GALNT13: variants seen among roughly 807,000 people sequenced by gnomAD.
GALNT13 encodes the protein UDP-GalNAc:polypeptide N-acetylgalactosaminyltransferase 13.
Under a neutral mutation model 64.2 loss-of-function variants are expected in GALNT13, and 28 were observed. That is an observed-to-expected ratio of 0.44 (90% confidence interval 0.32 to 0.60). The LOEUF (loss-of-function observed/expected upper bound fraction) is 0.60. GALNT13 is among the 20% of genes least tolerant of loss of function. The pLI is 0.05. For synonymous variants in GALNT13, 214 were observed against 224.6 expected (o/e 0.95, Z 0.42); for missense variants, 577 against 669.8 (o/e 0.86, Z 1.53).
the GALNT13 span, among the ~76,000 whole-genome samples, chr2:153,438,883 G>T: frequency 6.6e-6 from 1 of 152,144 alleles, no homozygotes; most frequent in Admixed American, 6.5e-5. Flanking sequence ...TCCTTTGGAG[G>T]GGGAGAGGCG....
chr2:153,394,409 C>A, the GALNT13 span, among the ~76,000 whole-genome samples: 3 of 152,056 alleles, frequency 2.0e-5, no homozygotes, highest in Non-Finnish European at 2.9e-5. Flanking sequence ...AAATTGGGCC[C>A]ACACAAACAT....
chr2:153,334,676 C>T, the GALNT13 span, among the ~76,000 whole-genome samples: 1 of 151,952 alleles, frequency 6.6e-6, no homozygotes, highest in South Asian at 2.1e-4. Flanking sequence ...TCTTTATGTT[C>T]TATCACTGTG....
the GALNT13 span, among the ~76,000 whole-genome samples, chr2:153,744,581 C>T: frequency 2.5e-4 from 38 of 152,038 alleles, no homozygotes; most frequent in African/African-American, 8.5e-4. Flanking sequence ...CTCTTAGCTC[C>T]GTCTCAATGT....
chr2:153,180,764 C>T, the GALNT13 span, among the ~76,000 whole-genome samples: 4 of 151,456 alleles, frequency 2.6e-5, no homozygotes, highest in South Asian at 2.1e-4. Flanking sequence ...AGATTTTAGT[C>T]TTGGTAGTTT....
the GALNT13 span, among the ~76,000 whole-genome samples, chr2:153,554,339 C>CA: frequency 2.0e-3 from 275 of 137,594 alleles, no homozygotes; most frequent in African/African-American, 5.7e-3. Flanking sequence ...GTGTCAAAAA[C>CA]AAAAAAAAAA....
At chr2:153,594,650 C>T in the GALNT13 span, among the ~76,000 whole-genome samples, 1 of 152,058 alleles carries the variant, frequency 6.6e-6, no homozygotes, top group Admixed American at 6.6e-5. Flanking sequence ...TCCTTTTGAA[C>T]ATATCAAGTA....
the GALNT13 span, among the ~76,000 whole-genome samples, chr2:153,215,217 C>T: frequency 6.6e-6 from 1 of 152,054 alleles, no homozygotes; most frequent in Non-Finnish European, 1.5e-5. Flanking sequence ...CTCTTTCCCA[C>T]TAAATTCTCA....
the GALNT13 span, among the ~76,000 whole-genome samples, chr2:153,665,728 G>A: frequency 6.6e-6 from 1 of 152,120 alleles, no homozygotes; most frequent in South Asian, 2.1e-4. Context: ...GCAACTCCTA[G>A]GGAAGGGTTG....
chr2:153,972,412 C>T (rs1261292891), intron 3 of GALNT13, among the ~76,000 whole-genome samples: 1 of 152,012 alleles, frequency 6.6e-6, no homozygotes, highest in East Asian at 1.9e-4. Context: ...CCTTCTCCAT[C>T]TTTTTAACTT....
chr2:153,768,540 A>G, the GALNT13 span, among the ~76,000 whole-genome samples: 27 of 152,294 alleles, frequency 1.8e-4, no homozygotes, highest in African/African-American at 5.5e-4. Flanking sequence ...TTATCATTAT[A>G]TAATGCATTC....
chr2:153,599,156 A>C, the GALNT13 span, among the ~76,000 whole-genome samples: 1 of 152,116 alleles, frequency 6.6e-6, no homozygotes, highest in Non-Finnish European at 1.5e-5. Context: ...TGCATCTGGC[A>C]GAGTGTAAAG....
At chr2:153,250,736 T>A in the GALNT13 span, among the ~76,000 whole-genome samples, 2 of 152,126 alleles carry the variant, frequency 1.3e-5, no homozygotes, top group Non-Finnish European at 2.9e-5. Flanking sequence ...TCCGGGGACA[T>A]GGATGAAGCT....
chr2:153,841,045 A>T, the GALNT13 span, among the ~76,000 whole-genome samples: 1 of 152,174 alleles, frequency 6.6e-6, no homozygotes, highest in Non-Finnish European at 1.5e-5. Context: ...TCTCTGAAAA[A>T]AATGTTAGAA....
chr2:154,169,782 C>T (rs138461684), intron 4 of GALNT13, among the ~76,000 whole-genome samples: 253 of 152,122 alleles, frequency 1.7e-3, no homozygotes, highest in African/African-American at 5.8e-3. Context: ...GGCAGCACAT[C>T]GTAGCTTCAT....
At chr2:153,619,899 G>A in the GALNT13 span, among the ~76,000 whole-genome samples, 2 of 152,000 alleles carry the variant, frequency 1.3e-5, no homozygotes, top group Admixed American at 1.3e-4. Flanking sequence ...ATCTTTGGGA[G>A]TTTGATTATT....
chr2:154,254,243 A>T (rs924581322), intron 7 of GALNT13, among the ~76,000 whole-genome samples: 1 of 152,190 alleles, frequency 6.6e-6, no homozygotes, highest in Non-Finnish European at 1.5e-5. Context: ...CATGCAGGGA[A>T]ATAGTTAAAG....
chr2:153,815,693 AT>A, the GALNT13 span, among the ~76,000 whole-genome samples: 202 of 151,744 alleles, frequency 1.3e-3, no homozygotes, highest in African/African-American at 4.6e-3. Flanking sequence ...TCCATTCTTA[AT>A]TTTTTTTTCT....
At chr2:153,891,761 A>G (rs973426745) in intron 1 of GALNT13, among the ~76,000 whole-genome samples, 2 of 152,060 alleles carry the variant, frequency 1.3e-5, no homozygotes, top group Admixed American at 6.6e-5. Context: ...AAAACCTTCA[A>G]AAGCTCTACA....
the GALNT13 span, among the ~76,000 whole-genome samples, chr2:153,652,733 A>T: frequency 6.6e-6 from 1 of 152,176 alleles, no homozygotes; most frequent in South Asian, 2.1e-4. Context: ...TCCGAATGTA[A>T]TTGTCTTCAT....
Sources: gnomAD v4.1 joint callset for allele counts (sites outside exome capture counted in the v4.1 genomes callset) on GRCh38, gnomAD v4.1.1 for gene constraint, MANE v1.5 for transcripts, NCBI Gene and HGNC (gene_info 2026-07-23, HGNC 2026-07-21) for gene names.